The following TBC1D8B variants were observed in gnomAD, a reference collection of about 807,000 sequenced individuals.
The protein encoded by TBC1D8B is RP11-321G1.1.
Under a neutral mutation model 82.9 loss-of-function variants are expected in TBC1D8B, and 75 were observed. That is an observed-to-expected ratio of 0.90 (90% CI 0.75 to 1.10). The LOEUF (loss-of-function observed/expected upper bound fraction) is 1.10, where lower values mean the gene tolerates loss of function less well. Among genes scored for constraint, TBC1D8B ranks in the 50% least tolerant of loss-of-function variants. The pLI, the probability that TBC1D8B is intolerant of heterozygous loss-of-function variation, is 0.00. For missense variants in TBC1D8B, 794 were observed against 796.9 expected (o/e 1.00, Z 0.04); for synonymous variants, 276 against 276.8 (o/e 1.00, Z 0.03).
At chrX:106,853,972 T>A (rs756441967) in intron 13 of TBC1D8B, among the ~76,000 whole-genome samples, 13 of 111,967 alleles carry the variant, frequency 1.2e-4, no homozygotes, top group African/African-American at 4.2e-4. Flanking sequence ...TTTACCTATA[T>A]TTTTGTACTT....
intron 16 of TBC1D8B, among the ~76,000 whole-genome samples, 194 bp downstream of exon 16, chrX:106,866,227 G>T (rs1164555244): frequency 9.0e-6 from 1 of 111,280 alleles, no homozygotes; most frequent in Non-Finnish European, 1.9e-5. Context: ...TTTCAGAAAA[G>T]CAAGCTGTTA....
chrX:106,857,578 C>T (rs1397236411), intron 14 of TBC1D8B, among the ~76,000 whole-genome samples: 1 of 111,633 alleles, frequency 9.0e-6, no homozygotes, highest in East Asian at 2.8e-4. Flanking sequence ...CCTCCATACT[C>T]ATGTAGGCCC....
chrX:106,869,289 C>T (rs1382371590), intron 18 of TBC1D8B, among the ~76,000 whole-genome samples, 196 bp from the exon 19 acceptor site: 2 of 111,195 alleles, frequency 1.8e-5, no homozygotes, highest in South Asian at 7.7e-4. Context: ...TTTTAAAATA[C>T]GGATTTTCCC....
At position 106,873,496 on chromosome X, in the gene TBC1D8B, A is replaced by C. The variant is rs904405368; in HGVS notation, c.2968-74A>C. The C allele has an allele frequency of 5.0e-6, 5 of 1,009,578 alleles. No homozygotes were observed. The African/African-American group carries it at 9.6e-5, about 19-fold the overall frequency. The allele number at this position is 1,009,578 out of a possible 1,213,427, so 83.2% of individuals were successfully genotyped here. ...TGGTACAAATCCTATATAGGAGACT[A>C]TTCACTTCTAAGTTCTCTTTATATT... On this transcript the variant is annotated intron_variant, in intron 20 of 20. Transcript: ENST00000357242.
chrX:106,837,453 C>A (rs1309782933), intron 7 of TBC1D8B, among the ~76,000 whole-genome samples: 1 of 111,720 alleles, frequency 9.0e-6, no homozygotes, highest in Non-Finnish European at 1.9e-5. Context: ...TTTTTCATAT[C>A]ATTAGTCAAT....
At chrX:106,860,364 T>C (rs1440340051) in intron 14 of TBC1D8B, among the ~76,000 whole-genome samples, 8 of 107,684 alleles carry the variant, frequency 7.4e-5, no homozygotes. Context: ...TGTGTGTGTG[T>C]GTGTGTGTGT....
At chrX:106,847,302 G>C (rs992763766) in intron 10 of TBC1D8B, among the ~76,000 whole-genome samples, 1 of 111,175 alleles carries the variant, frequency 9.0e-6, no homozygotes, top group Non-Finnish European at 1.9e-5. Flanking sequence ...TAGTGGCATT[G>C]AATATTACTA....
At chrX:106,854,552 T>C (rs865984347) in intron 14 of TBC1D8B, among the ~76,000 whole-genome samples, 1 of 111,109 alleles carries the variant, frequency 9.0e-6, no homozygotes, top group Middle Eastern at 4.7e-3. Context: ...CTCGTTCTGT[T>C]GCCCAGGCTG....
chrX:106,812,372 C>T (rs903094580), intron 1 of TBC1D8B, among the ~76,000 whole-genome samples: 5 of 111,871 alleles, frequency 4.5e-5, no homozygotes, highest in African/African-American at 1.6e-4. Flanking sequence ...GTAAGCATGA[C>T]AACTTATGAC....
At chrX:106,856,118 C>G (rs1447382656) in intron 14 of TBC1D8B, among the ~76,000 whole-genome samples, 1 of 112,339 alleles carries the variant, frequency 8.9e-6, no homozygotes, top group Non-Finnish European at 1.9e-5. Flanking sequence ...ATTCACTGAT[C>G]ACATATGTTT....
At chrX:106,823,776 C>G (rs1227626705) in intron 5 of TBC1D8B, among the ~76,000 whole-genome samples, 1 of 111,827 alleles carries the variant, frequency 8.9e-6, no homozygotes. Context: ...TAGTCTAACT[C>G]TAAATTTCTC....
At chrX:106,840,252 G>C (rs1290684041) in intron 9 of TBC1D8B, 54 bp downstream of exon 9, 2 of 1,098,477 alleles carry the variant, frequency 1.8e-6, no homozygotes, top group East Asian at 6.1e-5. Context: ...TGCCTTTCTA[G>C]GAGTTATGCC....
chrX:106,809,042 G>A (rs1397787381), intron 1 of TBC1D8B, among the ~76,000 whole-genome samples: 1 of 111,824 alleles, frequency 8.9e-6, no homozygotes, highest in Non-Finnish European at 1.9e-5. Context: ...TTGCTGTACA[G>A]CTATGACAGA....
At chrX:106,855,474 G>A (rs73531174) in intron 14 of TBC1D8B, among the ~76,000 whole-genome samples, 1,874 of 111,744 alleles carry the variant, frequency 0.017, 45 homozygotes, top group African/African-American at 0.057. Flanking sequence ...TATAGTTTTT[G>A]AAATGAGATC....
chrX:106,830,520 C>T (rs1454699873), intron 7 of TBC1D8B, among the ~76,000 whole-genome samples: 1 of 110,722 alleles, frequency 9.0e-6, no homozygotes, highest in Non-Finnish European at 1.9e-5. Flanking sequence ...GCATTATTCA[C>T]AATAGCCAAG....
chrX:106,806,573 G>T (rs1451391669), intron 1 of TBC1D8B, among the ~76,000 whole-genome samples: 2 of 111,463 alleles, frequency 1.8e-5, no homozygotes, highest in East Asian at 5.6e-4. Flanking sequence ...TAGTATATGG[G>T]ATTTAGGAAG....
At chrX:106,811,199 C>G (rs1931359398) in intron 1 of TBC1D8B, among the ~76,000 whole-genome samples, 2 of 110,959 alleles carry the variant, frequency 1.8e-5, no homozygotes, top group African/African-American at 6.6e-5. Context: ...TTTCCCCCTC[C>G]CTTACTACAC....
In TBC1D8B at chrX:106,838,317, C is replaced by A. The variant is rs1932225915; in HGVS notation, c.1204-991C>A. ...TTTTAAGCCTGACTTCCTTGGATCA[C>A]CCCCTGAATCAGTATAATTTAGTGG... On this transcript the variant is annotated intron_variant, in intron 7 of 20. Coordinates refer to ENST00000357242, the MANE Select transcript of TBC1D8B (RefSeq NM_017752.3). 5.4e-5 allele frequency among the ~76,000 whole-genome samples: 6 copies of A among 111,396 alleles called. No homozygotes were observed. The South Asian group carries it at 2.3e-3, about 43-fold the overall frequency.
chrX:106,826,107 T>C lies in TBC1D8B; in HGVS notation c.905T>C (p.Val302Ala). The part of the protein sequence containing the change: ...RLPKGESLKE[V>A]HECFLWVPFS... ...CCCAAAGGAGAGAGTTTGAAAGAAGTACATGAATGTTTCTTATGGGTACCA... is the reference window on the plus strand; with the variant it reads ...CCCAAAGGAGAGAGTTTGAAAGAAGCACATGAATGTTTCTTATGGGTACCA... Residue 302 changes from valine to alanine, a missense_variant, in exon 6 of 21, where the codon GTA becomes GCA. Physicochemically the swap from Val to Ala is moderately conservative, Grantham distance 64. Transcript: ENST00000357242. 1 of 1,210,769 alleles carries C rather than the reference T, an allele frequency of 8.3e-7. No individual in the cohort carries two copies. The highest frequency in any genetic ancestry group is 1.1e-6 in the Non-Finnish European group (1 of 894,903).
Sources: gnomAD v4.1 joint callset for allele counts (sites outside exome capture counted in the v4.1 genomes callset) on GRCh38, gnomAD v4.1.1 for gene constraint, MANE v1.5 for transcripts, NCBI Gene and HGNC (gene_info 2026-07-23, HGNC 2026-07-21) for gene names.